CDS1: variants seen among roughly 807,000 people sequenced by gnomAD.
The protein encoded by CDS1 is CDP-diacylglycerol synthase 1, also known as phosphatidate cytidylyltransferase 1.
In CDS1, 41 loss-of-function variants were observed where a neutral mutation model predicts 62.1. That is an observed-to-expected ratio of 0.66 (90% CI 0.51 to 0.86). The LOEUF (loss-of-function observed/expected upper bound fraction) is 0.86. Ranked by LOEUF, CDS1 falls within the 40% of genes least tolerant of loss-of-function variation. CDS1 has a pLI of 0.00. For synonymous variants in CDS1, 185 were observed against 192.6 expected, an observed-to-expected ratio of 0.96 and a Z score of 0.32; for missense variants, 470 against 550.1, an observed-to-expected ratio of 0.85 and a Z score of 1.46.
At chr4:84,613,854 T>C (rs1419768752) in intron 3 of CDS1, among the ~76,000 whole-genome samples, 1 of 152,216 alleles carries the variant, frequency 6.6e-6, no homozygotes, top group Non-Finnish European at 1.5e-5. Context: ...GTCATTAACT[T>C]TTAATTCGTG....
chr4:84,611,129 G>C (rs1406211041), intron 3 of CDS1, among the ~76,000 whole-genome samples: 2 of 152,154 alleles, frequency 1.3e-5, no homozygotes, highest in Non-Finnish European at 2.9e-5. Context: ...CACAGGCAGA[G>C]GATTTCTGTG....
intron 11 of CDS1, among the ~76,000 whole-genome samples, chr4:84,644,482 C>A (rs367754578): frequency 1.3e-5 from 2 of 152,212 alleles, no homozygotes; most frequent in South Asian, 2.1e-4. Flanking sequence ...GGTCTCCAAT[C>A]CAAGATTTTT....
chr4:84,628,345 G>GA (rs1405726573), intron 5 of CDS1, among the ~76,000 whole-genome samples: 2 of 152,176 alleles, frequency 1.3e-5, no homozygotes, highest in African/African-American at 4.8e-5. Flanking sequence ...AAGAGCTCCT[G>GA]AATGGCAGTG....
chr4:84,634,651 G>T (rs745968134), intron 7 of CDS1, among the ~76,000 whole-genome samples: 13 of 152,064 alleles, frequency 8.5e-5, no homozygotes, highest in Non-Finnish European at 1.5e-4. Flanking sequence ...GTGTGGTTGT[G>T]TCTTTGTGTG....
intron 3 of CDS1, among the ~76,000 whole-genome samples, chr4:84,610,371 AG>A (rs1185857915): frequency 6.6e-6 from 1 of 152,162 alleles, no homozygotes; most frequent in Non-Finnish European, 1.5e-5. Context: ...GCACATGTAG[AG>A]GGTGTCTATA....
At chr4:84,608,002 A>G (rs1723182999) in intron 2 of CDS1, among the ~76,000 whole-genome samples, 1 of 152,162 alleles carries the variant, frequency 6.6e-6, no homozygotes, top group African/African-American at 2.4e-5. Flanking sequence ...GATTATTTGT[A>G]TGGCACAATG....
chr4:84,599,435 T>C (rs1051211273), intron 1 of CDS1, among the ~76,000 whole-genome samples: 1 of 72,044 alleles, frequency 1.4e-5, no homozygotes, highest in Non-Finnish European at 2.8e-5. Flanking sequence ...TATATATATA[T>C]ATATATATAT....
intron 7 of CDS1, 76 bp from the exon 8 acceptor site, chr4:84,635,188 A>G (rs975482521): frequency 2.7e-5 from 20 of 729,476 alleles, no homozygotes; most frequent in Non-Finnish European, 4.0e-5. Context: ...ATTATGAATC[A>G]TAACCTTTCC....
chr4:84,598,672 T>G (rs1578020251), intron 1 of CDS1, among the ~76,000 whole-genome samples: 2 of 152,208 alleles, frequency 1.3e-5, no homozygotes, highest in East Asian at 3.8e-4. Flanking sequence ...GGGATCTTGC[T>G]ATGTTGCCCA....
At chr4:84,599,596 T>G (rs941528378) in intron 1 of CDS1, among the ~76,000 whole-genome samples, 13 of 151,680 alleles carry the variant, frequency 8.6e-5, no homozygotes, top group Non-Finnish European at 1.6e-4. Context: ...TTTCTGGAAT[T>G]TTATATAAAT....
chr4:84,619,072 C>T lies in CDS1; in HGVS notation c.441-322C>T, dbSNP rs979645537. 4.0e-5 allele frequency among the ~76,000 whole-genome samples: 6 copies of T among 151,880 alleles called. No homozygotes were observed. The Middle Eastern group carries it at 0.014, about 347-fold the overall frequency. On this transcript the variant is annotated intron_variant, in intron 4 of 12. Coordinates refer to ENST00000295887, the MANE Select transcript of CDS1 (RefSeq NM_001263.4). ...ACACACACACACACACACACACACA[C>T]ACACACACACACACTGCTCCCGCCT...
rs552803966 is a variant in CDS1 at position 84,649,555 on chromosome 4, A to G, written c.*869A>G. ...CCTGTTTCCCTGTGAACTGGCTTCC[A>G]TGGTTCTGTAGGGTAGTGAGTCGGG... On this transcript the variant is annotated 3_prime_UTR_variant, in exon 13 of 13. Transcript: ENST00000295887. 26 of 152,564 alleles carry G rather than the reference A, an allele frequency of 1.7e-4. No individual in the cohort carries two copies. Among genetic ancestry groups the G allele is most frequent in the African/African-American group, 6.3e-4 (26 of 41,538 alleles). 9.5% of individuals were successfully genotyped at this position (152,564 alleles called of 1,614,324 possible). A position where few individuals can be genotyped will look rare whatever the true frequency, so the allele number is the denominator to read the frequency against.
intron 9 of CDS1, 53 bp downstream of exon 9, chr4:84,639,045 G>A: frequency 1.2e-6 from 1 of 805,204 alleles, no homozygotes; most frequent in Non-Finnish European, 1.9e-6. Context: ...ATGATACCAA[G>A]CTTACTGGTC....
chr4:84,623,546 C>G (rs974796503), intron 5 of CDS1, among the ~76,000 whole-genome samples: 1 of 151,996 alleles, frequency 6.6e-6, no homozygotes, highest in Non-Finnish European at 1.5e-5. Context: ...AGACATGTTT[C>G]TTCTTTTCTC....
At chr4:84,614,927 C>A (rs565913391) in intron 3 of CDS1, among the ~76,000 whole-genome samples, 25 of 152,230 alleles carry the variant, frequency 1.6e-4, no homozygotes, top group African/African-American at 6.0e-4. Flanking sequence ...ACAGTGGTGG[C>A]AGGTAAAATT....
chr4:84,619,317 T>A, intron 4 of CDS1, 77 bp from the exon 5 acceptor site: 1 of 700,962 alleles, frequency 1.4e-6, no homozygotes, highest in South Asian at 3.8e-5. Flanking sequence ...GTCATCAGAA[T>A]GTAGAAAATA....
chr4:84,604,866 C>G (rs569310766), intron 2 of CDS1, among the ~76,000 whole-genome samples: 159 of 152,306 alleles, frequency 1.0e-3, no homozygotes, highest in African/African-American at 3.6e-3. Context: ...AGTCTGCCCA[C>G]TTTGACCTCC....
At position 84,648,908 on chromosome 4, in the gene CDS1, A is replaced by C; in HGVS notation, c.*222A>C. 2.5e-6 allele frequency: 1 copy of C among 405,754 alleles called. No homozygotes were observed. 25.1% of individuals were successfully genotyped at this position (405,754 alleles called of 1,614,324 possible). A position where few individuals can be genotyped will look rare whatever the true frequency, so the allele number is the denominator to read the frequency against. The stretch of plus-strand genomic sequence containing the variant: ...GCAAAATGTCTTGTACCTTTTCTAA[A>C]GTGTATTTTCTGATGTGAACTTCCT... On this transcript the variant is annotated 3_prime_UTR_variant, in exon 13 of 13. Coordinates refer to ENST00000295887, the MANE Select transcript of CDS1 (RefSeq NM_001263.4).
chr4:84,583,420 C>A lies in CDS1; in HGVS notation c.19C>A (p.Arg7=). Residue 7 remains arginine, a synonymous_variant, in exon 1 of 13, where the codon CGG becomes AGG. Coordinates refer to ENST00000295887, the MANE Select transcript of CDS1 (RefSeq NM_001263.4). ...GCGGAAGATGTTGGAGCTGAGGCAC[C>A]GGGGAAGCTGCCCCGGCCCCAGGGA... MLELRH[R]GSCPGPREAV... 1 of 1,600,142 alleles carries A rather than the reference C, an allele frequency of 6.2e-7. No homozygotes were observed. The highest frequency in any genetic ancestry group is 8.5e-7 in the Non-Finnish European group (1 of 1,174,136).
Sources: allele counts gnomAD v4.1 joint callset (sites outside exome capture counted in the v4.1 genomes callset), GRCh38; gene constraint gnomAD v4.1.1; transcripts MANE v1.5; gene names NCBI Gene and HGNC (gene_info 2026-07-23, HGNC 2026-07-21).